Variants in C12orf54 observed in about 807,000 individuals in gnomAD.
C12orf54 encodes the protein uncharacterized protein C12orf54.
Under a neutral mutation model 26.4 loss-of-function variants are expected in C12orf54, and 24 were observed. The ratio of observed to expected loss-of-function variants is 0.91; its 90% CI spans 0.66 to 1.28. The LOEUF (loss-of-function observed/expected upper bound fraction) is 1.28, where lower values mean the gene tolerates loss of function less well. Ranked by LOEUF, C12orf54 falls within the 50% of genes most tolerant of loss-of-function variation. C12orf54 has a pLI of 0.00. For synonymous variants in C12orf54, 54 were observed against 47.0 expected (o/e 1.15, Z -0.61); for missense variants, 154 against 150.9 (o/e 1.02, Z -0.11).
At chr12:48,490,702 A>G in intron 5 of C12orf54, 110 bp from the exon 6 acceptor site, 2 of 1,276,612 alleles carry the variant, frequency 1.6e-6, no homozygotes, top group East Asian at 4.7e-5. Flanking sequence ...AGAAGCCCAT[A>G]TTTTCCCAAA....
chr12:48,421,710 AG>A, the C12orf54 span, among the ~76,000 whole-genome samples: 1 of 151,634 alleles, frequency 6.6e-6, no homozygotes, highest in African/African-American at 2.4e-5. Flanking sequence ...TTGTATTTTT[AG>A]TAGAGACGGG....
At chr12:48,488,495 A>AAC (rs67325885) in intron 4 of C12orf54, 64,338 of 331,912 alleles carry the variant, frequency 0.19, 6,974 homozygotes, top group African/African-American at 0.31. Flanking sequence ...AAAAAAAAAA[A>AAC]GAAAGAAAGA....
chr12:48,451,431 C>T, the C12orf54 span, among the ~76,000 whole-genome samples: 1 of 152,116 alleles, frequency 6.6e-6, no homozygotes, highest in Non-Finnish European at 1.5e-5. Flanking sequence ...AAAACCAGCA[C>T]AAGACAAAAT....
chr12:48,454,096 G>GTTT, the C12orf54 span, among the ~76,000 whole-genome samples: 11 of 94,270 alleles, frequency 1.2e-4, no homozygotes, highest in Non-Finnish European at 1.5e-4. Flanking sequence ...TTTTTTGTTT[G>GTTT]TTTTTTTTTT....
chr12:48,466,296 C>A, the C12orf54 span, among the ~76,000 whole-genome samples: 1 of 152,154 alleles, frequency 6.6e-6, no homozygotes, highest in Non-Finnish European at 1.5e-5. Flanking sequence ...GTAATCCCAA[C>A]ACTTTGGGAG....
At chr12:48,467,410 G>A in the C12orf54 span, among the ~76,000 whole-genome samples, 2 of 152,134 alleles carry the variant, frequency 1.3e-5, no homozygotes, top group Non-Finnish European at 2.9e-5. Flanking sequence ...TGTTATGGCA[G>A]CCCTATGAAA....
chr12:48,427,720 G>A, the C12orf54 span, among the ~76,000 whole-genome samples: 7 of 152,130 alleles, frequency 4.6e-5, no homozygotes, highest in South Asian at 1.2e-3. Flanking sequence ...CACAATAATA[G>A]TGGGGGACTT....
the C12orf54 span, among the ~76,000 whole-genome samples, chr12:48,446,636 A>G: frequency 2.6e-5 from 4 of 152,220 alleles, no homozygotes; most frequent in Admixed American, 2.0e-4. Context: ...AGCTGATTCC[A>G]CCGGGAATTC....
chr12:48,471,072 AT>A, the C12orf54 span, among the ~76,000 whole-genome samples: 1 of 151,972 alleles, frequency 6.6e-6, no homozygotes, highest in Non-Finnish European at 1.5e-5. Context: ...CATTCTTTTT[AT>A]TTTTTTGTAC....
At chr12:48,421,953 A>G in the C12orf54 span, among the ~76,000 whole-genome samples, 2 of 152,214 alleles carry the variant, frequency 1.3e-5, no homozygotes, top group Admixed American at 1.3e-4. Context: ...ATTTGCCAAG[A>G]ACAATCCAAG....
the C12orf54 span, among the ~76,000 whole-genome samples, chr12:48,434,500 G>T: frequency 1.1e-3 from 172 of 152,320 alleles, no homozygotes; most frequent in African/African-American, 4.0e-3. Flanking sequence ...AGCCTAACTA[G>T]GAGGCATCCC....
the C12orf54 span, among the ~76,000 whole-genome samples, chr12:48,475,621 C>T: frequency 7.9e-5 from 12 of 151,930 alleles, no homozygotes; most frequent in Non-Finnish European, 1.6e-4. Flanking sequence ...CTAGCTGATG[C>T]GATCAACTGG....
At chr12:48,465,669 C>T in the C12orf54 span, among the ~76,000 whole-genome samples, 1 of 152,056 alleles carries the variant, frequency 6.6e-6, no homozygotes, top group African/African-American at 2.4e-5. Context: ...AACCTAAACA[C>T]CCATCGATGA....
At chr12:48,473,126 G>A in the C12orf54 span, 9 of 1,610,610 alleles carry the variant, frequency 5.6e-6, no homozygotes, top group Admixed American at 1.5e-4. Context: ...ATGACAAGGA[G>A]GCCCCTAACT....
the C12orf54 span, among the ~76,000 whole-genome samples, chr12:48,423,845 T>C: frequency 6.6e-6 from 1 of 152,034 alleles, no homozygotes; most frequent in African/African-American, 2.4e-5. Context: ...CTTGCCTTAC[T>C]ATACTGGCCA....
the C12orf54 span, among the ~76,000 whole-genome samples, chr12:48,419,299 A>G: frequency 6.6e-6 from 1 of 152,200 alleles, no homozygotes; most frequent in Non-Finnish European, 1.5e-5. Flanking sequence ...TCTGTTTCTT[A>G]CTAGCTCTAT....
chr12:48,481,019 A>G (rs139560482), upstream of C12orf54, among the ~76,000 whole-genome samples: 77 of 151,762 alleles, frequency 5.1e-4, no homozygotes, highest in South Asian at 1.3e-3. Context: ...ACACTCACAC[A>G]GACATAAAGA....
chr12:48,434,841 A>G, the C12orf54 span, among the ~76,000 whole-genome samples: 9 of 152,222 alleles, frequency 5.9e-5, no homozygotes, highest in African/African-American at 1.9e-4. Flanking sequence ...CAGAAATTCT[A>G]AAAACCGAGC....
intron 1 of C12orf54, among the ~76,000 whole-genome samples, chr12:48,483,016 T>C (rs898599055): frequency 3.3e-5 from 5 of 151,974 alleles, no homozygotes; most frequent in Non-Finnish European, 5.9e-5. Flanking sequence ...CCAGGGCAAA[T>C]ACTTCCTTCC....
Sources: allele counts gnomAD v4.1 joint callset (sites outside exome capture counted in the v4.1 genomes callset), GRCh38; gene constraint gnomAD v4.1.1; transcripts MANE v1.5; gene names NCBI Gene and HGNC (gene_info 2026-07-23, HGNC 2026-07-21).